DLC1: variants seen among roughly 807,000 people sequenced by gnomAD.
DLC1 encodes the protein rho GTPase-activating protein 7.
DLC1 carries 54 observed loss-of-function variants against 140.3 expected under a neutral mutation model. The ratio of observed to expected loss-of-function variants is 0.38; its 90% CI spans 0.31 to 0.48. The LOEUF is 0.48. Ranked by LOEUF, DLC1 falls within the 20% of genes least tolerant of loss-of-function variation. The pLI is 0.96. For missense variants in DLC1, 2,536 were observed against 1,907.0 expected (o/e 1.33, Z -6.14); for synonymous variants, 986 against 728.1 (o/e 1.35, Z -5.70).
chr8:13,357,290 C>G (rs1480223408), intron 4 of DLC1, among the ~76,000 whole-genome samples: 1 of 152,124 alleles, frequency 6.6e-6, no homozygotes, highest in Non-Finnish European at 1.5e-5. Context: ...AAAGTCCTGC[C>G]CTGGCTCCAG....
intron 5 of DLC1, among the ~76,000 whole-genome samples, chr8:13,210,512 A>C (rs1319058114): frequency 6.6e-5 from 10 of 152,226 alleles, no homozygotes; most frequent in Admixed American, 6.5e-4. Context: ...TTGCATCATA[A>C]AGTAAACAGA....
rs538849130 is a variant in DLC1 at position 13,232,627 on chromosome 8, C to G, written c.1348+72642G>C. 3.9e-5 allele frequency among the ~76,000 whole-genome samples: 6 copies of G among 152,232 alleles called. 1 individual carries two copies. The highest frequency in any genetic ancestry group is 1.4e-4 in the African/African-American group (6 of 41,544). ...ATTACAGGCATGAGCCACGGTGCCC[C>G]GCCTCTGCTACAGTCTTGGCATGAC... On this transcript the variant is annotated intron_variant, in intron 5 of 17. Coordinates refer to ENST00000276297, the MANE Select transcript of DLC1 (RefSeq NM_182643.3).
At position 13,092,726 on chromosome 8, in the gene DLC1, C is replaced by T. The variant is rs370085276; in HGVS notation, c.3626G>A (p.Ser1209Asn). 3 of 1,614,058 alleles carry T rather than the reference C, an allele frequency of 1.9e-6. No homozygotes were observed. In the African/African-American group the frequency reaches 4.0e-5, roughly 22 times the overall value. ...EVLQTLLYFL[S>N]DVTAAVKENQ... is the part of the protein sequence containing the mutation. Reference sequence around the variant, plus strand: ...TTCTTTTACGGCTGCTGTGACATCGCTCAGGAAATAAAGCAGGGTCTGCAG... The same window carrying T: ...TTCTTTTACGGCTGCTGTGACATCGTTCAGGAAATAAAGCAGGGTCTGCAG... The change falls in exon 13 of 18, where the codon AGC becomes AAC. Residue 1209 changes from serine to asparagine, a missense_variant. Physicochemically the swap from Ser to Asn is conservative, Grantham distance 46. Coordinates refer to ENST00000276297, the MANE Select transcript of DLC1 (RefSeq NM_182643.3).
intron 2 of DLC1, among the ~76,000 whole-genome samples, chr8:13,483,150 T>A (rs1231458157): frequency 6.6e-6 from 1 of 152,190 alleles, no homozygotes; most frequent in Non-Finnish European, 1.5e-5. Flanking sequence ...TCTCTGCTTC[T>A]GTTTTCACAT....
At chr8:13,348,526 T>C (rs2117018652) in intron 4 of DLC1, among the ~76,000 whole-genome samples, 1 of 152,280 alleles carries the variant, frequency 6.6e-6, no homozygotes, top group East Asian at 1.9e-4. Context: ...AGTTAGAAGG[T>C]TGTTGCTAGA....
At chr8:13,478,315 C>G (rs904235367) in intron 2 of DLC1, among the ~76,000 whole-genome samples, 5 of 152,152 alleles carry the variant, frequency 3.3e-5, no homozygotes, top group African/African-American at 4.8e-5. Context: ...CAGAAGAACT[C>G]ACTCACTATC....
At chr8:13,581,783 C>T (rs1047961087) in intron 1 of DLC1, among the ~76,000 whole-genome samples, 5 of 152,186 alleles carry the variant, frequency 3.3e-5, no homozygotes, top group African/African-American at 1.2e-4. Context: ...ATGCAAGGTC[C>T]TCCGTGATTT....
At chr8:13,600,045 A>C (rs945691512) in intron 1 of DLC1, among the ~76,000 whole-genome samples, 1 of 151,914 alleles carries the variant, frequency 6.6e-6, no homozygotes, top group Non-Finnish European at 1.5e-5. Context: ...AGAAGTTGAC[A>C]TGAATGGAGG....
chr8:13,109,869 G>T (rs1248842498), intron 7 of DLC1, among the ~76,000 whole-genome samples: 1 of 151,908 alleles, frequency 6.6e-6, no homozygotes, highest in East Asian at 1.9e-4. Context: ...TGGGCAACAA[G>T]AGCGAAACTC....
At chr8:13,095,420 C>T (rs1818427896) in intron 10 of DLC1, 175 bp from the exon 11 acceptor site, 1 of 712,862 alleles carries the variant, frequency 1.4e-6, no homozygotes, top group East Asian at 2.7e-5. Context: ...ACTGGCCACA[C>T]TTCAGGTGCT....
intron 1 of DLC1, among the ~76,000 whole-genome samples, chr8:13,548,082 A>T (rs1803712418): frequency 6.6e-6 from 1 of 152,084 alleles, no homozygotes; most frequent in African/African-American, 2.4e-5. Flanking sequence ...ATTTGAATGC[A>T]AGAGTTACGT....
chr8:13,264,366 C>T (rs780541395), intron 5 of DLC1, among the ~76,000 whole-genome samples: 32 of 152,132 alleles, frequency 2.1e-4, no homozygotes, highest in African/African-American at 7.5e-4. Context: ...AGCTACTGTG[C>T]CCAGCCCAGA....
intron 5 of DLC1, among the ~76,000 whole-genome samples, chr8:13,117,008 G>C (rs950415511): frequency 6.6e-6 from 1 of 152,190 alleles, no homozygotes; most frequent in Non-Finnish European, 1.5e-5. Context: ...TAAAAGTGTA[G>C]AATTGTCCAA....
intron 4 of DLC1, among the ~76,000 whole-genome samples, chr8:13,381,224 C>T (rs976349344): frequency 3.3e-5 from 5 of 152,130 alleles, no homozygotes; most frequent in Non-Finnish European, 5.9e-5. Flanking sequence ...CACATGGCAT[C>T]GTGTAAGGGC....
chr8:13,371,468 C>G lies in DLC1; in HGVS notation c.1314+22085G>C, dbSNP rs374323979. Among the ~76,000 whole-genome samples the G allele has an allele frequency of 7.9e-5, 12 of 152,300 alleles. 1 individual carries two copies. Among genetic ancestry groups the G allele is most frequent in the African/African-American group, 2.9e-4 (12 of 41,562 alleles). The stretch of plus-strand genomic sequence containing the variant: ...TGCTTTTGAATCTGATTCTAACCAG[C>G]CTCTGCTCCTCAGCTCTGAACATGT... On this transcript the variant is annotated intron_variant, in intron 4 of 17. Coordinates refer to ENST00000276297, the MANE Select transcript of DLC1 (RefSeq NM_182643.3).
chr8:13,505,028 T>G (rs1380089313), intron 1 of DLC1, among the ~76,000 whole-genome samples: 3 of 152,062 alleles, frequency 2.0e-5, no homozygotes, highest in Non-Finnish European at 4.4e-5. Context: ...TGAGAGGAAT[T>G]TTATAATAAA....
intron 2 of DLC1, among the ~76,000 whole-genome samples, chr8:13,487,991 C>G (rs1801047993): frequency 6.6e-6 from 1 of 152,174 alleles, no homozygotes; most frequent in African/African-American, 2.4e-5. Flanking sequence ...TTGGGGACCT[C>G]TTCAAAGTGA....
At chr8:13,583,560 T>C (rs56844084) in intron 1 of DLC1, among the ~76,000 whole-genome samples, 41,734 of 152,144 alleles carry the variant, frequency 0.27, 5,842 homozygotes, top group Admixed American at 0.29. Flanking sequence ...AATCAACTTT[T>C]TCCAATAGGT....
intron 4 of DLC1, among the ~76,000 whole-genome samples, chr8:13,360,427 C>A (rs1835168214): frequency 6.6e-6 from 1 of 152,104 alleles, no homozygotes; most frequent in Non-Finnish European, 1.5e-5. Context: ...GGTTGCAAAC[C>A]ATTGATCTAA....
Sources: allele counts gnomAD v4.1 joint callset (sites outside exome capture counted in the v4.1 genomes callset), GRCh38; gene constraint gnomAD v4.1.1; transcripts MANE v1.5; gene names NCBI Gene and HGNC (gene_info 2026-07-23, HGNC 2026-07-21).